Variants in MPP7 observed in about 807,000 individuals in gnomAD.
The protein encoded by MPP7 is MAGUK p55 subfamily member 7.
A neutral mutation model predicts 76.5 loss-of-function variants in MPP7; 60 were observed. The ratio of observed to expected loss-of-function variants is 0.78; its 90% CI spans 0.64 to 0.97. MPP7 has a LOEUF of 0.97. Ranked by LOEUF, MPP7 falls within the 50% of genes least tolerant of loss-of-function variation. The pLI, the probability that MPP7 is intolerant of heterozygous loss-of-function variation, is 0.00. For synonymous variants in MPP7, 237 were observed against 244.5 expected (o/e 0.97, Z 0.29); for missense variants, 641 against 694.0 (o/e 0.92, Z 0.86).
At chr10:28,267,090 C>A (rs1840171195) in intron 1 of MPP7, among the ~76,000 whole-genome samples, 1 of 152,146 alleles carries the variant, frequency 6.6e-6, no homozygotes, top group Admixed American at 6.5e-5. Flanking sequence ...AGTTGGCCCA[C>A]CATCTGTTCC....
chr10:28,141,294 T>C (rs957114481), intron 5 of MPP7, among the ~76,000 whole-genome samples: 10 of 152,144 alleles, frequency 6.6e-5, no homozygotes, highest in Admixed American at 6.5e-4. Flanking sequence ...AGCACAGAAG[T>C]ATCCCCATAA....
chr10:28,058,576 GT>G lies in MPP7; in HGVS notation c.1325del (p.Asn442ThrfsTer8). 6.3e-7 allele frequency: 1 copy of G among 1,597,532 alleles called. No individual in the cohort carries two copies. The highest frequency in any genetic ancestry group is 8.5e-7 in the Non-Finnish European group (1 of 1,170,596). ...AGTCTATACTTGTGCCGTAGTAGTTGTTTTTATATTCTCCATATTCAATAAA... is the reference window on the plus strand; with the variant it reads ...AGTCTATACTTGTGCCGTAGTAGTTGTTTTATATTCTCCATATTCAATAAA... Reference protein sequence around the residue: ...NKFIEYGEYKNNYYGTSIDSV... With the variant: ...NKFIEYGEYKXNYYGTSIDSV... On this transcript the variant is annotated frameshift_variant, in exon 15 of 17. Transcript: ENST00000683449. LOFTEE classifies it high-confidence loss of function.
intron 11 of MPP7, among the ~76,000 whole-genome samples, 199 bp from the exon 12 acceptor site, chr10:28,090,040 AG>A (rs1475971023): frequency 6.6e-6 from 1 of 152,084 alleles, no homozygotes; most frequent in Admixed American, 6.6e-5. Flanking sequence ...AGCTTACTGC[AG>A]TGTTGAACTC....
intron 11 of MPP7, among the ~76,000 whole-genome samples, chr10:28,113,763 G>A (rs1490007616): frequency 6.6e-6 from 1 of 152,188 alleles, no homozygotes; most frequent in Non-Finnish European, 1.5e-5. Flanking sequence ...TTAAAACTGG[G>A]ATTTGGACCC....
chr10:28,297,548 A>T (rs1841062670), intron 1 of MPP7, among the ~76,000 whole-genome samples: 1 of 152,194 alleles, frequency 6.6e-6, no homozygotes, highest in Non-Finnish European at 1.5e-5. Context: ...AAATATAAAA[A>T]ATTAGCCAGC....
intron 2 of MPP7, among the ~76,000 whole-genome samples, chr10:28,212,124 A>T (rs570000426): frequency 1.9e-3 from 291 of 152,254 alleles, no homozygotes; most frequent in African/African-American, 6.3e-3. Flanking sequence ...TAAAAAAAAA[A>T]AAATAAATGA....
rs534039060 is a variant in MPP7, at chr10:28,201,027, T to A, written c.156+1126A>T. On this transcript the variant is annotated intron_variant, in intron 3 of 16. Coordinates refer to ENST00000683449, the MANE Select transcript of MPP7 (RefSeq NM_001318170.2). ...AAGTCATAAACGTCATCAGTTATAA[T>A]CCCAAGACCATGCCTAATAAATCCC... 3.3e-5 allele frequency among the ~76,000 whole-genome samples: 5 copies of A among 152,236 alleles called. No homozygotes were observed. In the East Asian group the frequency reaches 5.8e-4, roughly 18 times the overall value.
intron 3 of MPP7, among the ~76,000 whole-genome samples, chr10:28,172,867 G>A (rs906358695): frequency 6.6e-6 from 1 of 152,120 alleles, no homozygotes; most frequent in Non-Finnish European, 1.5e-5. Flanking sequence ...ATGAGTGAAA[G>A]AATATGATAT....
intron 3 of MPP7, among the ~76,000 whole-genome samples, chr10:28,177,824 A>G (rs1439148447): frequency 1.1e-4 from 16 of 152,312 alleles, no homozygotes; most frequent in Non-Finnish European, 1.5e-5. Context: ...CCCAGGGAAC[A>G]CTGTCATGCT....
intron 11 of MPP7, chr10:28,119,136 C>T (rs1834748857): frequency 1.1e-6 from 1 of 877,400 alleles, no homozygotes; most frequent in Non-Finnish European, 1.4e-6. Flanking sequence ...CTTTGTCTTT[C>T]TCTCATTTTC....
At chr10:28,210,919 G>A (rs193047777) in intron 2 of MPP7, among the ~76,000 whole-genome samples, 2 of 152,180 alleles carry the variant, frequency 1.3e-5, no homozygotes, top group African/African-American at 2.4e-5. Flanking sequence ...GTGCTGTAGC[G>A]GGCTTCCCTC....
At chr10:28,244,039 T>C (rs1839355381) in intron 1 of MPP7, among the ~76,000 whole-genome samples, 1 of 152,198 alleles carries the variant, frequency 6.6e-6, no homozygotes, top group South Asian at 2.1e-4. Flanking sequence ...AAACATTCTC[T>C]GTAAAGGGCC....
chr10:28,305,750 C>A (rs1432891359), upstream of MPP7: 6 of 152,178 alleles, frequency 3.9e-5, no homozygotes, highest in Non-Finnish European at 7.3e-5. Context: ...TCAACTTTCC[C>A]CACATCACAA....
chr10:28,163,129 A>C (rs1836320479), intron 3 of MPP7, among the ~76,000 whole-genome samples: 1 of 152,110 alleles, frequency 6.6e-6, no homozygotes, highest in Non-Finnish European at 1.5e-5. Flanking sequence ...GCATGAATCC[A>C]CCCAGCACAC....
intron 3 of MPP7, among the ~76,000 whole-genome samples, chr10:28,164,015 G>A (rs554341505): frequency 2.0e-5 from 3 of 152,172 alleles, no homozygotes; most frequent in South Asian, 4.1e-4. Flanking sequence ...GAGATCAAAT[G>A]TAGAGGAGAT....
chr10:28,149,141 A>G (rs1329839826), intron 4 of MPP7, among the ~76,000 whole-genome samples: 1 of 152,236 alleles, frequency 6.6e-6, no homozygotes, highest in East Asian at 1.9e-4. Flanking sequence ...CAACTTCTCA[A>G]GATGGCCAAT....
chr10:28,276,956 G>T (rs557129709), intron 1 of MPP7, among the ~76,000 whole-genome samples: 1 of 152,110 alleles, frequency 6.6e-6, no homozygotes, highest in African/African-American at 2.4e-5. Context: ...ACTTTGGGAA[G>T]CCAAAGCAGG....
intron 12 of MPP7, among the ~76,000 whole-genome samples, chr10:28,078,523 A>G (rs1182185458): frequency 6.6e-6 from 1 of 152,254 alleles, no homozygotes; most frequent in Non-Finnish European, 1.5e-5. Context: ...TTAATCTGGA[A>G]TTCAGGCAGT....
At chr10:28,087,503 C>G (rs1024142798) in intron 12 of MPP7, among the ~76,000 whole-genome samples, 3 of 152,072 alleles carry the variant, frequency 2.0e-5, no homozygotes, top group African/African-American at 7.2e-5. Flanking sequence ...TCAAGCAATT[C>G]TTGTGCCTCA....
Sources: gnomAD v4.1 joint callset for allele counts (sites outside exome capture counted in the v4.1 genomes callset) on GRCh38, gnomAD v4.1.1 for gene constraint, MANE v1.5 for transcripts, NCBI Gene and HGNC (gene_info 2026-07-23, HGNC 2026-07-21) for gene names.